The following PRKCE variants were observed in gnomAD, a reference collection of about 807,000 sequenced individuals.
PRKCE encodes the protein protein kinase C epsilon.
PRKCE carries 16 observed loss-of-function variants against 85.4 expected under a neutral mutation model. That is an observed-to-expected ratio of 0.19 (90% CI 0.13 to 0.28). PRKCE has a LOEUF of 0.28. Ranked by LOEUF, PRKCE falls within the 10% of genes least tolerant of loss-of-function variation. PRKCE has a pLI of 1.00. For synonymous variants in PRKCE, 388 were observed against 371.5 expected, an observed-to-expected ratio of 1.04 and a Z score of -0.51; for missense variants, 573 against 975.2, an observed-to-expected ratio of 0.59 and a Z score of 5.49.
At chr2:45,768,560 G>A (rs62127174) in intron 1 of PRKCE, among the ~76,000 whole-genome samples, 148 of 152,300 alleles carry the variant, frequency 9.7e-4, no homozygotes, top group Non-Finnish European at 1.7e-3. Flanking sequence ...GGAGAGTTAG[G>A]AGGGGACAGT....
chr2:45,846,687 A>T (rs908872372), intron 2 of PRKCE, among the ~76,000 whole-genome samples: 1 of 152,184 alleles, frequency 6.6e-6, no homozygotes, highest in African/African-American at 2.4e-5. Context: ...GACTCAACAG[A>T]TAGAGGAGAA....
chr2:45,793,822 A>G (rs1239472450), intron 1 of PRKCE, among the ~76,000 whole-genome samples: 3 of 152,218 alleles, frequency 2.0e-5, no homozygotes. Context: ...GGACAAGGAC[A>G]GGGTCTCACA....
intron 13 of PRKCE, 51 bp downstream of exon 13, chr2:46,151,280 T>TACACACACACACACACACACAC (rs35676949): frequency 1.9e-6 from 1 of 535,596 alleles, no homozygotes. Flanking sequence ...CTCCTCCCCC[T>TACACACACACACACACACACAC]ACACACACAC....
intron 2 of PRKCE, among the ~76,000 whole-genome samples, chr2:45,929,543 G>A (rs1698879326): frequency 6.6e-6 from 1 of 152,100 alleles, no homozygotes; most frequent in Admixed American, 6.5e-5. Flanking sequence ...CAGTGTCTAG[G>A]TGGGTGGCTG....
At chr2:46,161,822 C>T (rs543943586) in intron 14 of PRKCE, among the ~76,000 whole-genome samples, 4 of 152,224 alleles carry the variant, frequency 2.6e-5, no homozygotes, top group Admixed American at 2.0e-4. Context: ...AAGCCCTTCC[C>T]TTCACAGGAA....
At chr2:45,668,302 T>G (rs1156993731) in intron 1 of PRKCE, among the ~76,000 whole-genome samples, 1 of 152,206 alleles carries the variant, frequency 6.6e-6, no homozygotes, top group Admixed American at 6.5e-5. Flanking sequence ...ATGGCGCCAA[T>G]GCACTCCAGC....
intron 1 of PRKCE, among the ~76,000 whole-genome samples, chr2:45,831,437 C>G (rs183457856): frequency 6.6e-6 from 1 of 152,108 alleles, no homozygotes; most frequent in Non-Finnish European, 1.5e-5. Context: ...ATGGGGAATG[C>G]TGGAAGCACT....
intron 1 of PRKCE, among the ~76,000 whole-genome samples, chr2:45,785,888 G>C (rs918256996): frequency 6.6e-6 from 1 of 152,190 alleles, no homozygotes; most frequent in African/African-American, 2.4e-5. Flanking sequence ...GCACCGGGCA[G>C]ACTGAGCTGT....
chr2:45,812,454 G>A (rs894601647), intron 1 of PRKCE, among the ~76,000 whole-genome samples: 4 of 152,154 alleles, frequency 2.6e-5, no homozygotes, highest in African/African-American at 4.8e-5. Context: ...CCCATAGAAG[G>A]CAGCAGAATG....
chr2:45,839,010 C>T (rs1360810228), intron 1 of PRKCE, among the ~76,000 whole-genome samples: 1 of 152,040 alleles, frequency 6.6e-6, no homozygotes, highest in Non-Finnish European at 1.5e-5. Context: ...CACAGCAGCC[C>T]CATTTCACTG....
At chr2:45,794,853 C>G in intron 1 of PRKCE, among the ~76,000 whole-genome samples, 1 of 151,172 alleles carries the variant, frequency 6.6e-6, no homozygotes, top group Middle Eastern at 3.4e-3. Context: ...CTACCCCCCC[C>G]CCCATCCACC....
chr2:45,679,386 A>T (rs954727362), intron 1 of PRKCE, among the ~76,000 whole-genome samples: 5 of 152,222 alleles, frequency 3.3e-5, no homozygotes, highest in African/African-American at 9.6e-5. Flanking sequence ...ATCAATTCAC[A>T]AATTTTTATA....
rs3768741 is a variant in PRKCE, at chr2:46,133,160, C to T, written c.1593-11933C>T. 2.8e-4 allele frequency among the ~76,000 whole-genome samples: 42 copies of T among 152,236 alleles called. No homozygotes were observed. In the East Asian group the frequency reaches 6.6e-3, roughly 24 times the overall value. The stretch of plus-strand genomic sequence containing the variant: ...CCTTCCTGTCCGGGAATTCTGGACC[C>T]GGTATTGGGTTCTACGGTCCACTTC... On this transcript the variant is annotated intron_variant, in intron 11 of 14. Transcript: ENST00000306156.
chr2:45,932,081 C>T (rs1453458211), intron 2 of PRKCE, among the ~76,000 whole-genome samples: 1 of 152,160 alleles, frequency 6.6e-6, no homozygotes. Context: ...CATGGCCAGC[C>T]CCCTCCATCC....
chr2:45,884,022 C>A (rs1049694703), intron 2 of PRKCE, among the ~76,000 whole-genome samples: 2 of 152,176 alleles, frequency 1.3e-5, no homozygotes, highest in African/African-American at 4.8e-5. Flanking sequence ...TTGGCAACTG[C>A]CTTGAGAGTG....
chr2:45,737,571 T>C lies in PRKCE; in HGVS notation c.348+85123T>C, dbSNP rs145853191. Among the ~76,000 whole-genome samples the C allele has an allele frequency of 1.9e-3, 283 of 152,204 alleles. 1 individual carries two copies. Among genetic ancestry groups the C allele is most frequent in the African/African-American group, 6.6e-3 (274 of 41,552 alleles). On this transcript the variant is annotated intron_variant, in intron 1 of 14. Coordinates refer to ENST00000306156, the MANE Select transcript of PRKCE (RefSeq NM_005400.3). ...CCTCTCGGCTCCTTTTCTGCCTCTTTCCAGGTGTATCCTCTCGCCTGTGAT... is the reference window on the plus strand; with the variant it reads ...CCTCTCGGCTCCTTTTCTGCCTCTTCCCAGGTGTATCCTCTCGCCTGTGAT...
intron 10 of PRKCE, among the ~76,000 whole-genome samples, chr2:46,039,632 A>C (rs1339355388): frequency 6.6e-6 from 1 of 152,048 alleles, no homozygotes; most frequent in Non-Finnish European, 1.5e-5. Context: ...CCAGGGTCTA[A>C]GTTAGATCTT....
chr2:45,893,746 T>A (rs1043652805), intron 2 of PRKCE, among the ~76,000 whole-genome samples: 8 of 152,052 alleles, frequency 5.3e-5, no homozygotes, highest in African/African-American at 9.7e-5. Flanking sequence ...CACTCATTGA[T>A]CCCCCTGCAA....
intron 10 of PRKCE, among the ~76,000 whole-genome samples, chr2:46,074,696 G>A (rs918211844): frequency 1.3e-5 from 2 of 152,210 alleles, no homozygotes; most frequent in South Asian, 2.1e-4. Context: ...CGAGGGCTGC[G>A]TAGGTTCTGT....
Sources: gnomAD v4.1 joint callset for allele counts (sites outside exome capture counted in the v4.1 genomes callset) on GRCh38, gnomAD v4.1.1 for gene constraint, MANE v1.5 for transcripts, NCBI Gene and HGNC (gene_info 2026-07-23, HGNC 2026-07-21) for gene names.